SCN9A: variants seen among roughly 807,000 people sequenced by gnomAD.
SCN9A encodes sodium channel protein type 9 subunit alpha.
A neutral mutation model predicts 187.0 loss-of-function variants in SCN9A; 131 were observed. That is an observed-to-expected ratio of 0.70 (90% confidence interval 0.61 to 0.81). The LOEUF (loss-of-function observed/expected upper bound fraction) is 0.81, where lower values mean the gene tolerates loss of function less well. SCN9A is among the 30% of genes least tolerant of loss of function. SCN9A has a pLI of 0.00. For missense variants in SCN9A, 2,252 were observed against 2,396.6 expected, an observed-to-expected ratio of 0.94 and a Z score of 1.26; for synonymous variants, 809 against 808.6, an observed-to-expected ratio of 1.00 and a Z score of -0.01.
chr2:166,374,309 T>TA (rs1270055043), intron 1 of SCN9A, among the ~76,000 whole-genome samples: 3 of 152,172 alleles, frequency 2.0e-5, no homozygotes, highest in Non-Finnish European at 2.9e-5. Flanking sequence ...TACAAAATTT[T>TA]AAAAAACTTG....
In SCN9A at chr2:166,195,229, TC is replaced by T. The variant is rs541526358; in HGVS notation, c.*3442del. ...TATTCTTAGATTATATTACAATGTG[TC>T]AGTCTCAAGTATAACTACAATATAA... On this transcript the variant is annotated 3_prime_UTR_variant, in exon 27 of 27. Transcript: ENST00000642356. 47 of 152,338 alleles carry T rather than the reference TC, an allele frequency of 3.1e-4. No individual in the cohort carries two copies. In the East Asian group the frequency reaches 4.0e-3, roughly 13 times the overall value. The allele number at this position is 152,338 out of a possible 1,614,324, so 9.4% of individuals were successfully genotyped here. A position where few individuals can be genotyped will look rare whatever the true frequency, so the allele number is the denominator to read the frequency against.
At chr2:166,314,768 G>A (rs1358252161) in intron 1 of SCN9A, among the ~76,000 whole-genome samples, 1 of 152,176 alleles carries the variant, frequency 6.6e-6, no homozygotes. Context: ...GAAACAAAAT[G>A]TAGAGTATTT....
intron 22 of SCN9A, among the ~76,000 whole-genome samples, chr2:166,228,123 T>C (rs1445627372): frequency 6.6e-6 from 1 of 152,028 alleles, no homozygotes; most frequent in African/African-American, 2.4e-5. Flanking sequence ...TTTGAAGCAA[T>C]ATTTGAATGG....
intron 26 of SCN9A, among the ~76,000 whole-genome samples, chr2:166,200,934 C>G (rs1249788857): frequency 6.6e-6 from 1 of 152,134 alleles, no homozygotes; most frequent in African/African-American, 2.4e-5. Flanking sequence ...CAGTGCCCAG[C>G]CTGTAACCTA....
At chr2:166,270,032 G>A (rs1574839014) in intron 17 of SCN9A, among the ~76,000 whole-genome samples, 2 of 151,966 alleles carry the variant, frequency 1.3e-5, no homozygotes, top group African/African-American at 2.4e-5. Flanking sequence ...AAAGGCATAC[G>A]TGGAATCTGA....
intron 1 of SCN9A, among the ~76,000 whole-genome samples, chr2:166,350,238 A>G (rs1700002802): frequency 6.6e-6 from 1 of 152,176 alleles, no homozygotes; most frequent in Non-Finnish European, 1.5e-5. Context: ...CAAGCTTTTT[A>G]TGTAAGGAGA....
intron 26 of SCN9A, among the ~76,000 whole-genome samples, chr2:166,202,558 TGATA>T (rs1347436778): frequency 6.6e-6 from 1 of 151,828 alleles, no homozygotes; most frequent in Non-Finnish European, 1.5e-5. Flanking sequence ...AAAGACTCAT[TGATA>T]TTTTCCTTGA....
At chr2:166,352,988 C>T (rs1006170059) in intron 1 of SCN9A, among the ~76,000 whole-genome samples, 22 of 146,930 alleles carry the variant, frequency 1.5e-4, no homozygotes, top group Non-Finnish European at 2.8e-4. Context: ...GTTCCAGGAT[C>T]GATATCTTTC....
intron 3 of SCN9A, 117 bp from the exon 4 acceptor site, chr2:166,306,716 G>GA: frequency 2.6e-6 from 2 of 771,650 alleles, no homozygotes; most frequent in Non-Finnish European, 4.5e-6. Flanking sequence ...TGAGCTTGTA[G>GA]ACTATTTTGT....
intron 17 of SCN9A, among the ~76,000 whole-genome samples, chr2:166,269,186 T>A (rs570681768): frequency 3.9e-5 from 6 of 152,040 alleles, no homozygotes; most frequent in African/African-American, 1.4e-4. Flanking sequence ...TTTAGACAAC[T>A]CAGTTTATAG....
At chr2:166,297,153 C>G (rs1318496339) in intron 7 of SCN9A, among the ~76,000 whole-genome samples, 1 of 124,858 alleles carries the variant, frequency 8.0e-6, no homozygotes, top group Non-Finnish European at 1.6e-5. Flanking sequence ...GCCGAGATAG[C>G]GACACTGCAT....
chr2:166,370,235 A>ATCATCATCATCATCATC (rs1553507744), intron 1 of SCN9A, among the ~76,000 whole-genome samples: 25 of 137,164 alleles, frequency 1.8e-4, no homozygotes, highest in African/African-American at 6.4e-4. Context: ...TAATAATAAT[A>ATCATCATCATCATCATC]ATCATCATCA....
intron 20 of SCN9A, among the ~76,000 whole-genome samples, chr2:166,237,848 A>C (rs1339878206): frequency 6.6e-6 from 1 of 152,090 alleles, no homozygotes; most frequent in South Asian, 2.1e-4. Flanking sequence ...AACATAAAAA[A>C]CTCAATTATA....
intron 7 of SCN9A, 83 bp from the exon 8 acceptor site, chr2:166,294,745 G>T: frequency 1.1e-6 from 1 of 886,630 alleles, no homozygotes; most frequent in Non-Finnish European, 1.7e-6. Context: ...AATTGATATA[G>T]ACATTTATCT....
At chr2:166,306,645 A>G in intron 3 of SCN9A, 46 bp from the exon 4 acceptor site, 1 of 1,298,660 alleles carries the variant, frequency 7.7e-7, no homozygotes, top group Non-Finnish European at 1.1e-6. Context: ...GGGAATTTGA[A>G]ATATTTGAGG....
chr2:166,247,284 AAAC>A (rs1002718221), intron 18 of SCN9A, among the ~76,000 whole-genome samples: 6 of 151,976 alleles, frequency 3.9e-5, no homozygotes, highest in Admixed American at 2.6e-4. Flanking sequence ...TTGATTATGA[AAAC>A]AAGCTTTTTT....
At position 166,228,824 on chromosome 2, in the gene SCN9A, C is replaced by G. The variant is rs200163716; in HGVS notation, c.4073G>C (p.Arg1358Pro). 103 of 1,613,722 alleles carry G rather than the reference C, an allele frequency of 6.4e-5. No homozygotes were observed. Among genetic ancestry groups the G allele is most frequent in the Non-Finnish European group, 8.6e-5 (102 of 1,179,864 alleles). Residue 1358 changes from arginine (R) to proline (P), a missense_variant, in exon 22 of 27, where the codon CGG becomes CCG. Arg to Pro is a moderately radical substitution (Grantham distance 103, BLOSUM62 -2). Coordinates refer to ENST00000642356, the MANE Select transcript of SCN9A (RefSeq NM_001365536.1). ...ATTTGGAACTTGACTTGCAGGAAAC[C>G]GTGACCCATCTGTGGTGTTAATACA... ...YECINTTDGS[R>P]FPASQVPNRS... is the part of the protein sequence containing the mutation.
intron 1 of SCN9A, among the ~76,000 whole-genome samples, chr2:166,341,323 A>AT (rs1047058316): frequency 6.6e-6 from 1 of 152,134 alleles, no homozygotes; most frequent in Non-Finnish European, 1.5e-5. Context: ...GATTCCTTTC[A>AT]TTTTTCTTAC....
rs111404258 is a variant in SCN9A, at chr2:166,311,680, C to T, written c.77G>A (p.Arg26His). The change falls in exon 2 of 27, where the codon CGC (arginine) becomes CAC (histidine). Residue 26 changes from arginine (R) to histidine (H), a missense_variant. Arg to His is a conservative substitution (Grantham distance 29). Around this residue, in one of 7 missense-constraint regions of SCN9A, gnomAD observed 1,013 missense variants for 997.4 expected, o/e 1.02. Transcript: ENST00000642356. ...TTCCTTTGATTTTCTTTCAGCAATGCGTTGTTCAATGAGGGCAAGAGACTG... is the reference window on the plus strand; with the variant it reads ...TTCCTTTGATTTTCTTTCAGCAATGTGTTGTTCAATGAGGGCAAGAGACTG... ...TKQSLALIEQRIAERKSKEPK... is the reference protein window; with the variant it reads ...TKQSLALIEQHIAERKSKEPK... 1.6e-5 allele frequency: 26 copies of T among 1,613,094 alleles called. No homozygotes were observed. The highest frequency in any genetic ancestry group is 1.6e-4 in the African/African-American group (12 of 74,760).
Sources: allele counts gnomAD v4.1 joint callset (sites outside exome capture counted in the v4.1 genomes callset), GRCh38; gene constraint gnomAD v4.1.1; regional missense constraint gnomAD v4.1.1; transcripts MANE v1.5; gene names NCBI Gene and HGNC (gene_info 2026-07-23, HGNC 2026-07-21).